Variants in MARCHF6 observed in about 807,000 individuals in gnomAD.
MARCHF6 encodes the protein E3 ubiquitin-protein ligase MARCHF6.
MARCHF6 carries 31 observed loss-of-function variants against 133.7 expected under a neutral mutation model. The observed-to-expected ratio is 0.23, with a 90% CI of 0.17 to 0.31. MARCHF6 has a LOEUF of 0.31. MARCHF6 is among the 10% of genes least tolerant of loss of function. The pLI is 1.00. For missense variants in MARCHF6, 723 were observed against 1,121.6 expected (o/e 0.64, Z 5.08); for synonymous variants, 395 against 402.5 (o/e 0.98, Z 0.22).
chr5:10,426,926 C>G (rs1052499198), intron 24 of MARCHF6, among the ~76,000 whole-genome samples: 3 of 152,214 alleles, frequency 2.0e-5, no homozygotes, highest in Non-Finnish European at 4.4e-5. Flanking sequence ...ATGGGCAACA[C>G]GTTTATACTG....
At chr5:10,367,962 C>G (rs1025330430) in intron 1 of MARCHF6, among the ~76,000 whole-genome samples, 4 of 152,138 alleles carry the variant, frequency 2.6e-5, no homozygotes, top group Non-Finnish European at 5.9e-5. Context: ...TCATAACAAG[C>G]AAGATGCATT....
At chr5:10,399,182 A>G (rs780274447) in intron 10 of MARCHF6, among the ~76,000 whole-genome samples, 1 of 152,156 alleles carries the variant, frequency 6.6e-6, no homozygotes, top group Non-Finnish European at 1.5e-5. Context: ...CCAGGGGCCT[A>G]GTTGAGTCAT....
Position 10,429,991 on chromosome 5 carries a change from C to G in MARCHF6, c.2605C>G (p.Gln869Glu). 6.2e-7 allele frequency: 1 copy of G among 1,613,614 alleles called. No homozygotes were observed. The highest frequency in any genetic ancestry group is 1.1e-5 in the South Asian group (1 of 91,052). Residue 869 changes from glutamine (Q) to glutamate (E), a missense_variant, in exon 25 of 26, where the codon CAG becomes GAG. Gln to Glu is a conservative substitution (Grantham distance 29). This residue lies in a region of MARCHF6 where 492 missense variants were observed against 699.5 expected (regional missense o/e 0.70). Coordinates refer to ENST00000274140, the MANE Select transcript of MARCHF6 (RefSeq NM_005885.4). ...LMAILSFQVR[Q>E]FKRLYEHIKN... is the part of the protein sequence containing the mutation. ...GGCAATTTTGTCCTTCCAAGTCCGC[C>G]AGTTTAAGCGCCTTTATGAACATAT...
chr5:10,405,639 C>A lies in MARCHF6; in HGVS notation c.1414C>A (p.Pro472Thr). The stretch of plus-strand genomic sequence containing the variant: ...TCCAGTACAGGAAATGATCCATTTG[C>A]CAATATATAGGCATCTCCGAAGATT... The part of the protein sequence containing the change: ...FNPVQEMIHL[P>T]IYRHLRRFIL... The change falls in exon 16 of 26, where the codon CCA (proline) becomes ACA (threonine). Residue 472 changes from proline to threonine, a missense_variant. Transcript: ENST00000274140. 1 of 1,608,704 alleles carries A rather than the reference C, an allele frequency of 6.2e-7. No homozygotes were observed. Among genetic ancestry groups the A allele is most frequent in the South Asian group, 1.1e-5 (1 of 89,760 alleles).
chr5:10,373,068 AAAAAC>A (rs1445145036), intron 1 of MARCHF6, among the ~76,000 whole-genome samples: 55 of 152,082 alleles, frequency 3.6e-4, no homozygotes, highest in African/African-American at 4.3e-4. Flanking sequence ...TCTTAAAAAA[AAAAAC>A]AAAACAACAA....
chr5:10,384,058 A>G (rs1004659835), intron 4 of MARCHF6, among the ~76,000 whole-genome samples: 1 of 152,140 alleles, frequency 6.6e-6, no homozygotes, highest in African/African-American at 2.4e-5. Flanking sequence ...TGGCAAAAAG[A>G]TGGTCTTTTC....
intron 14 of MARCHF6, 126 bp downstream of exon 14, chr5:10,402,733 T>C: frequency 2.3e-6 from 2 of 868,640 alleles, no homozygotes; most frequent in South Asian, 1.6e-5. Context: ...TTGGCATGTG[T>C]ATCAGTATAG....
intron 22 of MARCHF6, among the ~76,000 whole-genome samples, chr5:10,419,546 T>C (rs1739718366): frequency 6.6e-6 from 1 of 152,064 alleles, no homozygotes; most frequent in Non-Finnish European, 1.5e-5. Flanking sequence ...GCATATGTTA[T>C]GCCTTTCTGT....
intron 17 of MARCHF6, among the ~76,000 whole-genome samples, chr5:10,409,145 C>T (rs1441749128): frequency 2.0e-5 from 3 of 152,100 alleles, no homozygotes; most frequent in African/African-American, 4.8e-5. Flanking sequence ...TAATGCTTTG[C>T]ATAGGAACAT....
chr5:10,397,252 G>A lies in MARCHF6; in HGVS notation c.862-41G>A, dbSNP rs374155477. The A allele has an allele frequency of 1.0e-5, 14 of 1,399,948 alleles. No individual in the cohort carries two copies. In the African/African-American group the frequency reaches 1.5e-4, roughly 15 times the overall value. 86.7% of individuals were successfully genotyped at this position (1,399,948 alleles called of 1,614,324 possible). A position where few individuals can be genotyped will look rare whatever the true frequency, so the allele number is the denominator to read the frequency against. On this transcript the variant is annotated intron_variant, in intron 9 of 25. Coordinates refer to ENST00000274140, the MANE Select transcript of MARCHF6 (RefSeq NM_005885.4). ...AATAGTCCAATTAAACATACATTAA[G>A]TATGAATTGAATATGCTTTATTGAT...
intron 9 of MARCHF6, among the ~76,000 whole-genome samples, chr5:10,395,113 C>T (rs896228965): frequency 1.3e-5 from 2 of 152,096 alleles, no homozygotes; most frequent in Non-Finnish European, 2.9e-5. Context: ...CTAATTCTTT[C>T]TAGTAACAGA....
At chr5:10,397,193 T>C (rs1738243572) in intron 9 of MARCHF6, 100 bp from the exon 10 acceptor site, 4 of 763,108 alleles carry the variant, frequency 5.2e-6, no homozygotes, top group Non-Finnish European at 6.2e-6. Flanking sequence ...CAATCTTAGC[T>C]GTTTTTACTA....
At chr5:10,401,161 G>A in intron 11 of MARCHF6, 1 of 239,474 alleles carries the variant, frequency 4.2e-6, no homozygotes, top group Non-Finnish European at 8.1e-6. Context: ...TTCCCCAGGT[G>A]CCCCCTGCTG....
At chr5:10,376,096 G>C (rs1243529841) in intron 1 of MARCHF6, among the ~76,000 whole-genome samples, 1 of 152,264 alleles carries the variant, frequency 6.6e-6, no homozygotes, top group Non-Finnish European at 1.5e-5. Flanking sequence ...GCAGGCTGCC[G>C]GAGCCAGCAG....
chr5:10,424,004 G>A (rs1739956020), intron 23 of MARCHF6, among the ~76,000 whole-genome samples, 180 bp downstream of exon 23: 1 of 151,412 alleles, frequency 6.6e-6, no homozygotes, highest in Non-Finnish European at 1.5e-5. Flanking sequence ...CACTGTAGGG[G>A]AGGAAAATAA....
intron 1 of MARCHF6, among the ~76,000 whole-genome samples, chr5:10,375,940 C>T (rs1045425037): frequency 6.6e-6 from 1 of 152,164 alleles, no homozygotes; most frequent in African/African-American, 2.4e-5. Flanking sequence ...TGTCAATACT[C>T]TGTATCTAAC....
At chr5:10,383,649 G>A (rs1737290921) in intron 4 of MARCHF6, among the ~76,000 whole-genome samples, 1 of 152,190 alleles carries the variant, frequency 6.6e-6, no homozygotes, top group African/African-American at 2.4e-5. Context: ...ATGGATGTGA[G>A]GGATTGGAAA....
rs1310491145 is a variant in MARCHF6 at position 10,391,640 on chromosome 5, G to A, written c.675G>A (p.Gln225=). 1 of 1,611,780 alleles carries A rather than the reference G, an allele frequency of 6.2e-7. No homozygotes were observed. ...TGGTGGGGGAAAACCCTGATGCCCA[G>A]GATGACCAGGCAGAAGAGGAGGAGG... is the stretch of plus-strand genomic sequence containing the variant. ...NAVVGENPDA[Q]DDQAEEEEED... The change falls in exon 7 of 26, where the codon CAG becomes CAA. Residue 225 remains glutamine (Q), a synonymous_variant. Transcript: ENST00000274140.
chr5:10,391,391 C>T (rs1458834300), intron 6 of MARCHF6, 151 bp from the exon 7 acceptor site: 3 of 565,546 alleles, frequency 5.3e-6, no homozygotes, highest in Non-Finnish European at 9.1e-6. Context: ...CCTCAGCCTC[C>T]CAAAGTGCTA....
Sources: allele counts gnomAD v4.1 joint callset (sites outside exome capture counted in the v4.1 genomes callset), GRCh38; gene constraint gnomAD v4.1.1; regional missense constraint gnomAD v4.1.1; transcripts MANE v1.5; gene names NCBI Gene and HGNC (gene_info 2026-07-23, HGNC 2026-07-21).